TLCD4: variants seen among roughly 807,000 people sequenced by gnomAD.
TLCD4 encodes the protein TLC domain containing 4.
In TLCD4, 7 loss-of-function variants were observed where a neutral mutation model predicts 24.2. The ratio of observed to expected loss-of-function variants is 0.29; its 90% confidence interval spans 0.16 to 0.54. The LOEUF is 0.54. Ranked by LOEUF, TLCD4 falls within the 20% of genes least tolerant of loss-of-function variation. TLCD4 has a pLI of 0.95. For synonymous variants in TLCD4, 103 were observed against 106.4 expected, an observed-to-expected ratio of 0.97 and a Z score of 0.20; for missense variants, 259 against 313.9, an observed-to-expected ratio of 0.82 and a Z score of 1.32.
At chr1:95,189,813 G>T (rs1361562915) in intron 6 of TLCD4, among the ~76,000 whole-genome samples, 2 of 152,194 alleles carry the variant, frequency 1.3e-5, no homozygotes, top group Non-Finnish European at 2.9e-5. Flanking sequence ...TATGAATAAA[G>T]CTGGTGTAAA....
At chr1:95,111,981 T>C in the TLCD4 span, among the ~76,000 whole-genome samples, 1 of 152,052 alleles carries the variant, frequency 6.6e-6, no homozygotes, top group African/African-American at 2.4e-5. Flanking sequence ...AAATAGAAAG[T>C]TCGGTGGAAG....
chr1:95,113,826 G>C (rs1251959331), upstream of TLCD4, among the ~76,000 whole-genome samples: 1 of 152,010 alleles, frequency 6.6e-6, no homozygotes. Context: ...TAAATGGGGA[G>C]GATTGTTTCT....
intron 1 of TLCD4, among the ~76,000 whole-genome samples, chr1:95,130,805 T>C (rs556018291): frequency 7.9e-4 from 120 of 152,334 alleles, no homozygotes; most frequent in Middle Eastern, 3.4e-3. Context: ...CATGAAACTT[T>C]TGAATGTATA....
intron 2 of TLCD4, 105 bp from the exon 3 acceptor site, chr1:95,148,597 T>C: frequency 8.1e-6 from 12 of 1,475,708 alleles, no homozygotes; most frequent in Non-Finnish European, 1.1e-5. Context: ...CACCTGTATA[T>C]AAATGCTTCC....
intron 1 of TLCD4, among the ~76,000 whole-genome samples, chr1:95,124,823 T>C (rs1676667518): frequency 1.3e-5 from 2 of 151,108 alleles, no homozygotes; most frequent in Non-Finnish European, 2.9e-5. Flanking sequence ...AATAGAACTA[T>C]AGCACTGGCT....
intron 1 of TLCD4, among the ~76,000 whole-genome samples, chr1:95,135,595 ACCATGTTGG>A (rs1677020205): frequency 6.6e-6 from 1 of 151,794 alleles, no homozygotes; most frequent in South Asian, 2.1e-4. Context: ...ATGGGATTTC[ACCATGTTGG>A]CTAGGTTGGT....
At chr1:95,104,673 A>AAAAAAAAAAAAAAAAAAAAAAT in the TLCD4 span, among the ~76,000 whole-genome samples, 2 of 147,522 alleles carry the variant, frequency 1.4e-5, no homozygotes, top group African/African-American at 4.9e-5. Context: ...CAAAAAAAAA[A>AAAAAAAAAAAAAAAAAAAAAAT]AAAAAAAGCG....
At chr1:95,152,985 A>G (rs538376044) in intron 5 of TLCD4, among the ~76,000 whole-genome samples, 2 of 152,242 alleles carry the variant, frequency 1.3e-5, no homozygotes, top group African/African-American at 4.8e-5. Context: ...TTAGATAATG[A>G]GTTAGAATAT....
chr1:95,099,380 A>T, the TLCD4 span, among the ~76,000 whole-genome samples: 1 of 152,206 alleles, frequency 6.6e-6, no homozygotes, highest in Non-Finnish European at 1.5e-5. Flanking sequence ...TCATCTTTTA[A>T]GATTCAGCTC....
upstream of TLCD4, among the ~76,000 whole-genome samples, chr1:95,113,479 CTG>C (rs1676377131): frequency 6.6e-6 from 1 of 152,082 alleles, no homozygotes; most frequent in African/African-American, 2.4e-5. Flanking sequence ...ATATGTAAAA[CTG>C]AAAATCAAGA....
upstream of TLCD4, among the ~76,000 whole-genome samples, chr1:95,114,453 C>T (rs1318293498): frequency 6.6e-6 from 1 of 152,086 alleles, no homozygotes; most frequent in African/African-American, 2.4e-5. Context: ...AAAAAAACAG[C>T]TTTTGGTCTT....
At chr1:95,117,689 C>T (rs1050387991) in intron 1 of TLCD4, 72 bp downstream of exon 1, 4 of 151,754 alleles carry the variant, frequency 2.6e-5, no homozygotes, top group Non-Finnish European at 5.9e-5. Context: ...CCGCGCCAGC[C>T]GCCAAGCGCA....
At chr1:95,151,053 T>G (rs1216283110) in intron 4 of TLCD4, among the ~76,000 whole-genome samples, 1 of 152,146 alleles carries the variant, frequency 6.6e-6, no homozygotes, top group Non-Finnish European at 1.5e-5. Flanking sequence ...TGCACCAACC[T>G]ACATGCCAGG....
intron 1 of TLCD4, 83 bp downstream of exon 1, chr1:95,117,700 G>T (rs1676464342): frequency 6.6e-6 from 1 of 151,422 alleles, no homozygotes; most frequent in South Asian, 2.1e-4. Flanking sequence ...GCCAAGCGCA[G>T]CCCGCGGAGA....
intron 1 of TLCD4, among the ~76,000 whole-genome samples, chr1:95,131,053 TG>T (rs1676877331): frequency 6.6e-6 from 1 of 152,218 alleles, no homozygotes; most frequent in African/African-American, 2.4e-5. Context: ...TTATTATAAC[TG>T]TTTTATTTAA....
upstream of TLCD4, among the ~76,000 whole-genome samples, chr1:95,115,985 G>T (rs1676422300): frequency 6.6e-6 from 1 of 152,144 alleles, no homozygotes; most frequent in Non-Finnish European, 1.5e-5. Context: ...AAGTTGTCAG[G>T]TACTGCACAT....
upstream of TLCD4, among the ~76,000 whole-genome samples, chr1:95,114,542 A>G (rs543327538): frequency 1.3e-5 from 2 of 152,200 alleles, no homozygotes; most frequent in Non-Finnish European, 2.9e-5. Context: ...TACTTCATTT[A>G]AAACAGTTTT....
chr1:95,172,874 C>T (rs965455582), intron 5 of TLCD4, among the ~76,000 whole-genome samples: 3 of 152,006 alleles, frequency 2.0e-5, no homozygotes, highest in African/African-American at 7.3e-5. Context: ...AATCATAATT[C>T]TGATTTAATT....
chr1:95,183,911 T>C (rs1678739942), intron 6 of TLCD4, among the ~76,000 whole-genome samples: 1 of 151,762 alleles, frequency 6.6e-6, no homozygotes, highest in Non-Finnish European at 1.5e-5. Context: ...GAAGAGTAGA[T>C]ATAATGAAGG....
Sources: allele counts gnomAD v4.1 joint callset (sites outside exome capture counted in the v4.1 genomes callset), GRCh38; gene constraint gnomAD v4.1.1; transcripts MANE v1.5; gene names NCBI Gene and HGNC (gene_info 2026-07-23, HGNC 2026-07-21).